Variants in EDC3 observed in about 807,000 individuals in gnomAD.
EDC3 encodes the protein enhancer of mRNA-decapping protein 3.
In EDC3, 20 loss-of-function variants were observed where a neutral mutation model predicts 41.8. The ratio of observed to expected loss-of-function variants is 0.48; its 90% confidence interval spans 0.34 to 0.70. The LOEUF is 0.70. Among genes scored for constraint, EDC3 ranks in the 30% least tolerant of loss-of-function variants. The pLI is 0.01. For missense variants in EDC3, 444 were observed against 636.8 expected (o/e 0.70, Z 3.26); for synonymous variants, 206 against 243.2 (o/e 0.85, Z 1.42).
chr15:74,651,226 A>C (rs2062476629), intron 4 of EDC3, among the ~76,000 whole-genome samples: 1 of 152,148 alleles, frequency 6.6e-6, no homozygotes, highest in Non-Finnish European at 1.5e-5. Flanking sequence ...ATCCAGAAAG[A>C]CCCTGGCCAA....
rs373619035 is a variant in EDC3, at chr15:74,669,323, A to G, written c.484+2132T>C. 1.7e-4 allele frequency among the ~76,000 whole-genome samples: 25 copies of G among 149,000 alleles called. No individual in the cohort carries two copies. In the East Asian group the frequency reaches 4.6e-3, roughly 27 times the overall value. On this transcript the variant is annotated intron_variant, in intron 3 of 6. Coordinates refer to ENST00000315127, the MANE Select transcript of EDC3 (RefSeq NM_025083.5). ...ACGCCATTGCACTCCAGCCTGGGCA[A>G]TAAGAGCGAAACTCTGTCTCAAAAA...
chr15:74,680,153 C>T (rs529030012), intron 1 of EDC3, among the ~76,000 whole-genome samples: 2 of 146,702 alleles, frequency 1.4e-5, no homozygotes, highest in South Asian at 2.2e-4. Flanking sequence ...CCCAGCTACT[C>T]GAGAGGCTGA....
chr15:74,681,441 C>T (rs920829676), intron 1 of EDC3, among the ~76,000 whole-genome samples: 2 of 152,300 alleles, frequency 1.3e-5, no homozygotes, highest in East Asian at 1.9e-4. Flanking sequence ...TGAGCCACCA[C>T]GCCTGGCTGC....
intron 3 of EDC3, among the ~76,000 whole-genome samples, chr15:74,664,723 T>C (rs1464033076): frequency 3.3e-5 from 5 of 152,196 alleles, no homozygotes; most frequent in African/African-American, 1.2e-4. Flanking sequence ...ATTAGATATA[T>C]GAAGCACATC....
chr15:74,693,698 G>C (rs532485352), intron 1 of EDC3, among the ~76,000 whole-genome samples: 15 of 152,184 alleles, frequency 9.9e-5, no homozygotes, highest in African/African-American at 3.6e-4. Flanking sequence ...GTAAGACTCA[G>C]TAAGACCAGG....
rs1012516724 is a variant in EDC3 at position 74,632,881 on chromosome 15, G to A, written c.1258C>T (p.Arg420Cys). The change falls in exon 7 of 7, where the codon CGC becomes TGC. Residue 420 changes from arginine to cysteine, a missense_variant. Around this residue, in one of 3 missense-constraint regions of EDC3, gnomAD observed 242 missense variants for 363.8 expected, o/e 0.67. Coordinates refer to ENST00000315127, the MANE Select transcript of EDC3 (RefSeq NM_025083.5). This position sits in a 1 kb window ranked among gnomAD's most constrained non-coding sequence, Gnocchi z 4.0. ...GCTGCCTTGTACCAGGGTTGATCGC[G>A]CAGGAAGACGTTCTCAGGGCAATCC... Reference protein sequence around the residue: ...CLDCPENVFLRDQPWYKAAVA... With the variant: ...CLDCPENVFLCDQPWYKAAVA... The A allele has an allele frequency of 2.3e-5, 37 of 1,614,120 alleles. No homozygotes were observed. The highest frequency in any genetic ancestry group is 2.9e-5 in the Non-Finnish European group (34 of 1,180,058).
chr15:74,686,847 A>G (rs534038775), intron 1 of EDC3, among the ~76,000 whole-genome samples: 1 of 151,658 alleles, frequency 6.6e-6, no homozygotes, highest in Non-Finnish European at 1.5e-5. Context: ...GGCCAGCCGC[A>G]ATGGCTCACG....
At chr15:74,647,848 G>A (rs924063140) in intron 4 of EDC3, among the ~76,000 whole-genome samples, 3 of 152,176 alleles carry the variant, frequency 2.0e-5, no homozygotes, top group Admixed American at 6.5e-5. Flanking sequence ...GTGACACTTC[G>A]CAGAGGAGCA....
intron 1 of EDC3, among the ~76,000 whole-genome samples, chr15:74,685,878 A>G (rs1193308851): frequency 1.3e-5 from 2 of 152,234 alleles, no homozygotes; most frequent in Non-Finnish European, 2.9e-5. Context: ...AAAAAAGCAT[A>G]TAAAGCACCC....
intron 6 of EDC3, among the ~76,000 whole-genome samples, chr15:74,633,251 C>T (rs376623552): frequency 4.2e-4 from 64 of 152,366 alleles, no homozygotes; most frequent in African/African-American, 1.5e-3. Context: ...CCCTCACCTC[C>T]TCTGCCTTCT....
At chr15:74,639,319 A>G (rs542833570) in intron 5 of EDC3, 2 of 152,284 alleles carry the variant, frequency 1.3e-5, no homozygotes, top group Admixed American at 1.3e-4. Context: ...CTGAGGCCCT[A>G]CTTTCCAGCC....
intron 3 of EDC3, among the ~76,000 whole-genome samples, chr15:74,663,241 T>C (rs1412415388): frequency 6.6e-6 from 1 of 152,088 alleles, no homozygotes; most frequent in African/African-American, 2.4e-5. Context: ...TGAGCCGAGA[T>C]GGCGCCACTG....
chr15:74,671,516 A>G lies in EDC3; in HGVS notation c.423T>C (p.Tyr141=). 1 of 1,614,246 alleles carries G rather than the reference A, an allele frequency of 6.2e-7. No homozygotes were observed. ...TCAAGGATTCCATGTGCCTGTCGACATAGCTCTTTGAGCACTGTTGCTGCT... is the reference window on the plus strand; with the variant it reads ...TCAAGGATTCCATGTGCCTGTCGACGTAGCTCTTTGAGCACTGTTGCTGCT... The part of the protein sequence containing the change: ...SPQQQQCSKS[Y]VDRHMESLSQ... Residue 141 remains tyrosine, a synonymous_variant, in exon 3 of 7, where the codon TAT becomes TAC. Transcript: ENST00000315127. The surrounding 1 kb of genome is among the most constrained non-coding windows in gnomAD (Gnocchi z 4.6).
rs549803810 is a variant in EDC3 at position 74,648,959 on chromosome 15, T to G, written c.820+6774A>C. ...TAAACGTTGAGATAGGATCTTGCTA[T>G]GTTGCCCAGGCTGGTCTTGAATTCC... On this transcript the variant is annotated intron_variant, in intron 4 of 6. Coordinates refer to ENST00000315127, the MANE Select transcript of EDC3 (RefSeq NM_025083.5). Among the ~76,000 whole-genome samples, 7 of 152,298 alleles carry G rather than the reference T, an allele frequency of 4.6e-5. No homozygotes were observed. In the East Asian group the frequency reaches 1.2e-3, roughly 25 times the overall value.
chr15:74,649,849 G>A (rs2062460039), intron 4 of EDC3, among the ~76,000 whole-genome samples: 1 of 122,268 alleles, frequency 8.2e-6, no homozygotes, highest in Non-Finnish European at 1.6e-5. Context: ...AGCATTGCAG[G>A]AGGGAAAAAA....
intron 4 of EDC3, among the ~76,000 whole-genome samples, chr15:74,652,469 C>T (rs2062492548): frequency 6.6e-6 from 1 of 152,140 alleles, no homozygotes; most frequent in Non-Finnish European, 1.5e-5. Context: ...ACCTCGTGAT[C>T]CACACGCCTC....
rs1032853660 is a variant in EDC3, at chr15:74,633,000, G to A, written c.1193-54C>T. The A allele has an allele frequency of 1.9e-6, 3 of 1,574,658 alleles. No homozygotes were observed. On this transcript the variant is annotated intron_variant, in intron 6 of 6. Transcript: ENST00000315127. The surrounding 1 kb of genome is among the most constrained non-coding windows in gnomAD (Gnocchi z 4.0). ...GTCCCTATGAGCAGAGAGCAGCCCAGGCTGGGACTAGGGCCCAGGTCACCC... is the reference window on the plus strand; with the variant it reads ...GTCCCTATGAGCAGAGAGCAGCCCAAGCTGGGACTAGGGCCCAGGTCACCC...
At chr15:74,635,257 T>G in intron 6 of EDC3, 152 bp downstream of exon 6, 2 of 734,678 alleles carry the variant, frequency 2.7e-6, no homozygotes, top group Non-Finnish European at 4.8e-6. Flanking sequence ...GGATGGGAAG[T>G]AGTATATTAC....
intron 3 of EDC3, among the ~76,000 whole-genome samples, chr15:74,669,981 C>G (rs1370660654): frequency 1.3e-5 from 2 of 151,336 alleles, no homozygotes; most frequent in Non-Finnish European, 2.9e-5. Flanking sequence ...GTAGCTGGGA[C>G]CACAGGTGCA....
Sources: gnomAD v4.1 joint callset for allele counts (sites outside exome capture counted in the v4.1 genomes callset) on GRCh38, gnomAD v4.1.1 for gene constraint, gnomAD v4.1.1 regional missense constraint, Gnocchi (gnomAD v3.1) non-coding constraint, MANE v1.5 for transcripts, NCBI Gene and HGNC (gene_info 2026-07-23, HGNC 2026-07-21) for gene names.